The following CCNYL1 variants were observed in gnomAD, a reference collection of about 807,000 sequenced individuals.
CCNYL1 encodes cyclin-Y-like protein 1.
CCNYL1 carries 16 observed loss-of-function variants against 44.2 expected under a neutral mutation model. That is an observed-to-expected ratio of 0.36 (90% CI 0.25 to 0.55). CCNYL1 has a LOEUF of 0.55. Among genes scored for constraint, CCNYL1 ranks in the 20% least tolerant of loss-of-function variants. The pLI is 0.85. For synonymous variants in CCNYL1, 159 were observed against 163.2 expected (o/e 0.97, Z 0.20); for missense variants, 348 against 451.8 (o/e 0.77, Z 2.08).
chr2:207,713,008 G>T (rs1461944932), intron 1 of CCNYL1, among the ~76,000 whole-genome samples: 1 of 152,182 alleles, frequency 6.6e-6, no homozygotes, highest in African/African-American at 2.4e-5. Flanking sequence ...TAGAGACGGG[G>T]TTTCACCATG....
intron 5 of CCNYL1, among the ~76,000 whole-genome samples, chr2:207,739,587 A>C (rs551808304): frequency 5.9e-5 from 9 of 151,574 alleles, no homozygotes; most frequent in Admixed American, 5.9e-4. Flanking sequence ...ATATTCTGTG[A>C]AAAAAAAATG....
chr2:207,749,571 A>G (rs2091877783), intron 8 of CCNYL1, among the ~76,000 whole-genome samples: 1 of 152,204 alleles, frequency 6.6e-6, no homozygotes, highest in Non-Finnish European at 1.5e-5. Flanking sequence ...ACCTCTATTA[A>G]TATGTGTGTT....
At chr2:207,730,880 C>G (rs1343706222) in intron 3 of CCNYL1, among the ~76,000 whole-genome samples, 1 of 152,068 alleles carries the variant, frequency 6.6e-6, no homozygotes, top group Non-Finnish European at 1.5e-5. Flanking sequence ...GTCTTTAATT[C>G]TAATGAAATT....
chr2:207,737,181 C>T lies in CCNYL1; in HGVS notation c.432-230C>T, dbSNP rs547942142. Reference sequence around the variant, plus strand: ...CCACCTGCCTCGGCCTCCCAAAGTGCTGGGATTACAGGCGTGAGCCACTGC... The same window carrying T: ...CCACCTGCCTCGGCCTCCCAAAGTGTTGGGATTACAGGCGTGAGCCACTGC... On this transcript the variant is annotated intron_variant, in intron 4 of 9. Transcript: ENST00000295414. 7.9e-5 allele frequency among the ~76,000 whole-genome samples: 12 copies of T among 152,268 alleles called. No homozygotes were observed. In the East Asian group the frequency reaches 2.1e-3, roughly 27 times the overall value.
At chr2:207,723,794 G>C (rs1297257228) in intron 1 of CCNYL1, among the ~76,000 whole-genome samples, 4 of 143,654 alleles carry the variant, frequency 2.8e-5, no homozygotes, top group African/African-American at 1.1e-4. Context: ...AGAATTGCTT[G>C]AATCCTGGAG....
chr2:207,724,904 GA>G, intron 2 of CCNYL1, 30 bp downstream of exon 2: 3 of 1,499,584 alleles, frequency 2.0e-6, no homozygotes, highest in Non-Finnish European at 2.8e-6. Context: ...TCCTTCCAAG[GA>G]AAAGACTGAA....
At chr2:207,728,711 A>G (rs977514148) in intron 3 of CCNYL1, among the ~76,000 whole-genome samples, 4 of 152,298 alleles carry the variant, frequency 2.6e-5, no homozygotes, top group Admixed American at 2.6e-4. Flanking sequence ...TCATGTAACC[A>G]GTTTTTACAT....
chr2:207,731,128 T>C (rs2091723224), intron 3 of CCNYL1, among the ~76,000 whole-genome samples: 1 of 152,206 alleles, frequency 6.6e-6, no homozygotes, highest in South Asian at 2.1e-4. Flanking sequence ...GTTTCATTAA[T>C]GCACAAAATG....
chr2:207,752,698 G>A (rs571853002), intron 9 of CCNYL1, among the ~76,000 whole-genome samples: 1 of 152,228 alleles, frequency 6.6e-6, no homozygotes, highest in African/African-American at 2.4e-5. Context: ...GTGGTACCTT[G>A]GTGGTACTTT....
chr2:207,731,811 T>C (rs1373442431), intron 3 of CCNYL1, among the ~76,000 whole-genome samples: 2 of 143,000 alleles, frequency 1.4e-5, no homozygotes, highest in African/African-American at 5.0e-5. Context: ...TTCTTCTTTT[T>C]TTTTTTTTTT....
chr2:207,720,046 G>A (rs2091628281), intron 1 of CCNYL1, among the ~76,000 whole-genome samples: 1 of 151,942 alleles, frequency 6.6e-6, no homozygotes, highest in African/African-American at 2.4e-5. Context: ...AAATTAGTTG[G>A]GTGTGGTGGC....
At chr2:207,721,396 A>C (rs2091639047) in intron 1 of CCNYL1, among the ~76,000 whole-genome samples, 1 of 152,222 alleles carries the variant, frequency 6.6e-6, no homozygotes, top group Non-Finnish European at 1.5e-5. Flanking sequence ...TTTAGCCTTT[A>C]GTAATAATGC....
At chr2:207,729,127 G>C (rs141320574) in intron 3 of CCNYL1, among the ~76,000 whole-genome samples, 13 of 152,176 alleles carry the variant, frequency 8.5e-5, no homozygotes, top group African/African-American at 3.1e-4. Flanking sequence ...GGACCAATAA[G>C]TCTGTAGACT....
chr2:207,718,948 C>T (rs1431935504), intron 1 of CCNYL1, among the ~76,000 whole-genome samples: 1 of 151,112 alleles, frequency 6.6e-6, no homozygotes, highest in Non-Finnish European at 1.5e-5. Flanking sequence ...ACTGTTATAT[C>T]CACACAGAGG....
intron 3 of CCNYL1, among the ~76,000 whole-genome samples, chr2:207,732,913 T>C (rs1419913443): frequency 6.6e-6 from 1 of 152,218 alleles, no homozygotes; most frequent in Non-Finnish European, 1.5e-5. Context: ...CAAACACTTG[T>C]TGAACTCCTT....
chr2:207,712,071 G>C lies in CCNYL1; in HGVS notation c.175G>C (p.Glu59Gln). 6.3e-7 allele frequency: 1 copy of C among 1,580,580 alleles called. No individual in the cohort carries two copies. The highest frequency in any genetic ancestry group is 8.6e-7 in the Non-Finnish European group (1 of 1,165,214). ...EPAELDFGEG[E>Q]GHHLQHISDR... The stretch of plus-strand genomic sequence containing the variant: ...TGCCGAGTTGGATTTCGGAGAGGGC[G>C]AGGGCCACCACCTGCAGCACATCAG... The change falls in exon 1 of 10, where the codon GAG (glutamate) becomes CAG (glutamine). Residue 59 changes from glutamate (E) to glutamine (Q), a missense_variant. Glu to Gln is a conservative substitution (Grantham distance 29). Around this residue, in one of 3 missense-constraint regions of CCNYL1, gnomAD observed 209 missense variants for 247.7 expected, o/e 0.84. Coordinates refer to ENST00000295414, the MANE Select transcript of CCNYL1 (RefSeq NM_001330218.2).
chr2:207,720,187 C>CA (rs747214958), intron 1 of CCNYL1, among the ~76,000 whole-genome samples: 30,879 of 57,766 alleles, frequency 0.53, 8,013 homozygotes, highest in East Asian at 0.68. Context: ...GACTCCGTCT[C>CA]AAAAAAAAAA....
At chr2:207,720,424 GA>G (rs2091632108) in intron 1 of CCNYL1, among the ~76,000 whole-genome samples, 1 of 147,976 alleles carries the variant, frequency 6.8e-6, no homozygotes, top group South Asian at 2.1e-4. Flanking sequence ...CTCTGTATGA[GA>G]CAGGGTCACA....
chr2:207,723,601 C>T (rs965966755), intron 1 of CCNYL1, among the ~76,000 whole-genome samples: 10 of 152,094 alleles, frequency 6.6e-5, no homozygotes, highest in East Asian at 1.9e-4. Flanking sequence ...CTGGGCTGGG[C>T]GCGGTGACTC....
Sources: allele counts gnomAD v4.1 joint callset (sites outside exome capture counted in the v4.1 genomes callset), GRCh38; gene constraint gnomAD v4.1.1; regional missense constraint gnomAD v4.1.1; transcripts MANE v1.5; gene names NCBI Gene and HGNC (gene_info 2026-07-23, HGNC 2026-07-21).